Variants in BACH2 observed in about 807,000 individuals in gnomAD.
BACH2 encodes the protein transcription regulator protein BACH2.
A neutral mutation model predicts 61.8 loss-of-function variants in BACH2; 5 were observed. The ratio of observed to expected loss-of-function variants is 0.08; its 90% CI spans 0.04 to 0.17. The LOEUF is 0.17. BACH2 is among the 10% of genes least tolerant of loss of function. The probability of loss-of-function intolerance (pLI) is 1.00; values close to 1 mark genes in which losing one functional copy is unlikely to be tolerated. For missense variants in BACH2, 824 were observed against 1,091.1 expected, an observed-to-expected ratio of 0.76 and a Z score of 3.45; for synonymous variants, 446 against 440.1, an observed-to-expected ratio of 1.01 and a Z score of -0.17.
At chr6:90,090,546 ATATTT>A (rs1782119450) in intron 4 of BACH2, among the ~76,000 whole-genome samples, 1 of 152,136 alleles carries the variant, frequency 6.6e-6, no homozygotes, top group Non-Finnish European at 1.5e-5. Flanking sequence ...CAAATGTAAG[ATATTT>A]TATTTTTGTT....
chr6:90,150,987 G>C lies in BACH2; in HGVS notation c.-162+55582C>G, dbSNP rs538276084. On this transcript the variant is annotated intron_variant, in intron 4 of 8. Transcript: ENST00000257749. The stretch of plus-strand genomic sequence containing the variant: ...AACTGGGACACTTTTAAGAGTAGAA[G>C]AGGGACCTATCAATAATTACACGAG... Among the ~76,000 whole-genome samples the C allele has an allele frequency of 2.0e-5, 3 of 152,284 alleles. No individual in the cohort carries two copies. The East Asian group carries it at 5.8e-4, about 29-fold the overall frequency.
intron 3 of BACH2, among the ~76,000 whole-genome samples, chr6:90,230,876 C>A (rs750721513): frequency 3.5e-4 from 53 of 152,172 alleles, no homozygotes; most frequent in Non-Finnish European, 6.9e-4. Flanking sequence ...AGGAACAGAG[C>A]TCTTTAGTTT....
chr6:90,224,640 T>C (rs1204410562), intron 3 of BACH2, among the ~76,000 whole-genome samples: 1 of 152,206 alleles, frequency 6.6e-6, no homozygotes, highest in Non-Finnish European at 1.5e-5. Context: ...TCTTTTATTA[T>C]AGTTATAAAA....
intron 5 of BACH2, among the ~76,000 whole-genome samples, chr6:90,025,700 G>A (rs1273434607): frequency 1.3e-5 from 2 of 152,114 alleles, no homozygotes; most frequent in Admixed American, 6.5e-5. Context: ...TGAGGGTGGT[G>A]GAACCTATTT....
chr6:90,113,701 A>G (rs1783276428), intron 4 of BACH2, among the ~76,000 whole-genome samples: 1 of 152,152 alleles, frequency 6.6e-6, no homozygotes, highest in South Asian at 2.1e-4. Flanking sequence ...ACTGAAGAAT[A>G]TTGAGACATG....
chr6:90,218,624 A>G (rs949532515), intron 3 of BACH2, among the ~76,000 whole-genome samples: 1 of 151,310 alleles, frequency 6.6e-6, no homozygotes, highest in Admixed American at 6.6e-5. Context: ...AGGAGGGAGG[A>G]GAAGAATTGC....
rs1292391818 is a variant in BACH2 at position 90,166,320 on chromosome 6, G to C, written c.-162+40249C>G. On this transcript the variant is annotated intron_variant, in intron 4 of 8. Coordinates refer to ENST00000257749, the MANE Select transcript of BACH2 (RefSeq NM_021813.4). ...CATGAAAAAATGCTCATCATCACTG[G>C]CCATCAGAGAAATGCAAATCAAAAC... Among the ~76,000 whole-genome samples the C allele has an allele frequency of 2.6e-5, 4 of 151,762 alleles. No individual in the cohort carries two copies. The East Asian group carries it at 7.7e-4, about 29-fold the overall frequency.
intron 3 of BACH2, among the ~76,000 whole-genome samples, chr6:90,249,229 AGCTGAAAGGAGAGATGTGCTCTT>A (rs1770729486): frequency 6.6e-6 from 1 of 152,168 alleles, no homozygotes; most frequent in African/African-American, 2.4e-5. Flanking sequence ...GCTAAACATC[AGCTGAAAGGAGAGATGTGCTCTT>A]GCTCTTAGTT....
intron 7 of BACH2, among the ~76,000 whole-genome samples, chr6:89,948,760 T>C (rs1773898711): frequency 6.6e-6 from 1 of 152,188 alleles, no homozygotes; most frequent in African/African-American, 2.4e-5. Context: ...ATCTTCCCAA[T>C]GTCAGGGACA....
intron 4 of BACH2, among the ~76,000 whole-genome samples, chr6:90,198,086 T>C (rs1437685349): frequency 6.6e-6 from 1 of 152,174 alleles, no homozygotes; most frequent in African/African-American, 2.4e-5. Context: ...TATGTAACCA[T>C]GCCATGTGAG....
rs2226125 is a variant in BACH2 at position 90,115,097 on chromosome 6, C to T, written c.-161-25988G>A. Among the ~76,000 whole-genome samples the T allele has an allele frequency of 1.2e-4, 18 of 152,102 alleles. No homozygotes were observed. In the East Asian group the frequency reaches 2.3e-3, roughly 20 times the overall value. ...ATATCATTAAAATGGCTATACTGCC[C>T]GAAGCAATTTACAGATTCAGTGCTA... On this transcript the variant is annotated intron_variant, in intron 4 of 8. Coordinates refer to ENST00000257749, the MANE Select transcript of BACH2 (RefSeq NM_021813.4).
At chr6:90,219,144 C>T (rs1454739676) in intron 3 of BACH2, among the ~76,000 whole-genome samples, 1 of 152,160 alleles carries the variant, frequency 6.6e-6, no homozygotes, top group Non-Finnish European at 1.5e-5. Flanking sequence ...TTTCAGCCTC[C>T]CTATGATGTC....
chr6:89,954,801 T>C (rs998325869), intron 6 of BACH2, among the ~76,000 whole-genome samples: 1 of 152,152 alleles, frequency 6.6e-6, no homozygotes, highest in African/African-American at 2.4e-5. Context: ...CACTGAGGCT[T>C]AGGAAACTTC....
chr6:90,213,184 T>G (rs1769415726), intron 3 of BACH2, among the ~76,000 whole-genome samples: 1 of 152,038 alleles, frequency 6.6e-6, no homozygotes. Context: ...GGGAAGACAG[T>G]GAGGAATGGG....
At chr6:90,242,191 A>G (rs1770478296) in intron 3 of BACH2, among the ~76,000 whole-genome samples, 1 of 152,188 alleles carries the variant, frequency 6.6e-6, no homozygotes, top group African/African-American at 2.4e-5. Context: ...CACCATTACA[A>G]TATCATACAG....
At chr6:90,227,374 C>A (rs537402994) in intron 3 of BACH2, among the ~76,000 whole-genome samples, 1 of 152,320 alleles carries the variant, frequency 6.6e-6, no homozygotes, top group South Asian at 2.1e-4. Context: ...ACAATGGGGT[C>A]TTTCAGGCCT....
chr6:89,932,576 G>T lies in BACH2; in HGVS notation c.2358C>A (p.Thr786=), dbSNP rs1772724921. 1.9e-6 allele frequency: 3 copies of T among 1,614,134 alleles called. No homozygotes were observed. In the East Asian group the frequency reaches 6.7e-5, roughly 36 times the overall value. ...TCCTCCCAGAGGTACAATTCTCGGA[G>T]GTGTTGCTGGGTGCCCAGGGGGGTC... The part of the protein sequence containing the change: ...PPGPPWAPSN[T]SENCTSGRRL... Residue 786 remains threonine (T), a synonymous_variant, in exon 9 of 9, where the codon ACC becomes ACA. Transcript: ENST00000257749.
chr6:90,276,725 T>C (rs1319273708), intron 1 of BACH2, among the ~76,000 whole-genome samples: 1 of 152,134 alleles, frequency 6.6e-6, no homozygotes, highest in Non-Finnish European at 1.5e-5. Flanking sequence ...CATTTTCTTA[T>C]TTCCTAGTAA....
At chr6:90,040,536 A>G (rs1779482874) in intron 5 of BACH2, among the ~76,000 whole-genome samples, 1 of 150,716 alleles carries the variant, frequency 6.6e-6, no homozygotes, top group Non-Finnish European at 1.5e-5. Flanking sequence ...TTTTTTTTAC[A>G]TGAACTTCAG....
Sources: allele counts gnomAD v4.1 joint callset (sites outside exome capture counted in the v4.1 genomes callset), GRCh38; gene constraint gnomAD v4.1.1; transcripts MANE v1.5; gene names NCBI Gene and HGNC (gene_info 2026-07-23, HGNC 2026-07-21).